PKHD1: variants seen among roughly 807,000 people sequenced by gnomAD.
PKHD1 encodes PKHD1 ciliary IPT domain containing fibrocystin/polyductin, also known as fibrocystin.
In PKHD1, 291 loss-of-function variants were observed where a neutral mutation model predicts 412.0. That is an observed-to-expected ratio of 0.71 (90% confidence interval 0.64 to 0.78). The LOEUF (loss-of-function observed/expected upper bound fraction) is 0.78. Ranked by LOEUF, PKHD1 falls within the 30% of genes least tolerant of loss-of-function variation. The probability of loss-of-function intolerance (pLI) is 0.00; values close to 1 mark genes in which losing one functional copy is unlikely to be tolerated. For missense variants in PKHD1, 4,825 were observed against 4,950.7 expected, an observed-to-expected ratio of 0.97 and a Z score of 0.76; for synonymous variants, 1,777 against 1,821.5, an observed-to-expected ratio of 0.98 and a Z score of 0.62.
intron 60 of PKHD1, among the ~76,000 whole-genome samples, chr6:51,672,732 C>T (rs1477395483): frequency 6.6e-6 from 1 of 152,104 alleles, no homozygotes; most frequent in African/African-American, 2.4e-5. Context: ...CTCATTTCAG[C>T]TGCATAAGAA....
At chr6:51,787,129 G>T (rs186468181) in intron 53 of PKHD1, among the ~76,000 whole-genome samples, 54 of 152,304 alleles carry the variant, frequency 3.5e-4, no homozygotes, top group African/African-American at 1.3e-3. Flanking sequence ...GGGAGGCCAA[G>T]GCAGGCGGAT....
At chr6:51,970,680 T>A (rs965236948) in intron 35 of PKHD1, among the ~76,000 whole-genome samples, 11 of 152,212 alleles carry the variant, frequency 7.2e-5, no homozygotes, top group African/African-American at 2.2e-4. Context: ...GCAGTCCAAT[T>A]TCCCCCGCAC....
chr6:52,027,826 C>G lies in PKHD1; in HGVS notation c.3628+3G>C. The stretch of plus-strand genomic sequence containing the variant: ...TGATAACAGTCACATAAGAGCCACT[C>G]ACCCAGCAGGGACCCACAGCAAGGC... On this transcript the variant is annotated splice_donor_region_variant and intron_variant, in intron 31 of 66. Transcript: ENST00000371117. The G allele has an allele frequency of 6.2e-7, 1 of 1,602,258 alleles. No individual in the cohort carries two copies. Among genetic ancestry groups the G allele is most frequent in the Non-Finnish European group, 8.6e-7 (1 of 1,169,162 alleles).
At chr6:51,833,059 G>C (rs1472518581) in intron 51 of PKHD1, among the ~76,000 whole-genome samples, 2 of 152,094 alleles carry the variant, frequency 1.3e-5, no homozygotes, top group African/African-American at 4.8e-5. Flanking sequence ...ATACTCAGCT[G>C]GGGGTAGAGT....
intron 57 of PKHD1, among the ~76,000 whole-genome samples, chr6:51,748,948 T>C (rs1003116593): frequency 2.0e-5 from 3 of 152,074 alleles, no homozygotes; most frequent in Non-Finnish European, 4.4e-5. Context: ...GGGATGGGCA[T>C]GGCCAAGTTT....
intron 43 of PKHD1, 40 bp from the exon 44 acceptor site, chr6:51,887,285 G>T (rs1244516659): frequency 2.6e-5 from 32 of 1,225,048 alleles, no homozygotes; most frequent in Non-Finnish European, 3.9e-5. Flanking sequence ...GTTACCCCAT[G>T]TATGATAAGG....
At position 52,054,091 on chromosome 6, in the gene PKHD1, G is replaced by C; in HGVS notation, c.1911C>G (p.Asn637Lys). The change falls in exon 20 of 67, where the codon AAC becomes AAG. Residue 637 changes from asparagine to lysine, a missense_variant. Coordinates refer to ENST00000371117, the MANE Select transcript of PKHD1 (RefSeq NM_138694.4). ...MIVSFTIGFQ[N>K]MVKNTTCDWS... ...AGTCACAGGTGGTATTCTTTACCAT[G>C]TTTTGAAAGCCGATTGTGAAGGACA... 1 of 1,613,932 alleles carries C rather than the reference G, an allele frequency of 6.2e-7. No homozygotes were observed. Among genetic ancestry groups the C allele is most frequent in the Non-Finnish European group, 8.5e-7 (1 of 1,179,822 alleles).
At chr6:51,996,300 C>T (rs1797710040) in intron 35 of PKHD1, among the ~76,000 whole-genome samples, 1 of 151,928 alleles carries the variant, frequency 6.6e-6, no homozygotes. Flanking sequence ...TGAGCCACCG[C>T]TCCCAGTTGG....
At chr6:51,993,909 G>A (rs552851545) in intron 35 of PKHD1, among the ~76,000 whole-genome samples, 8 of 152,170 alleles carry the variant, frequency 5.3e-5, no homozygotes, top group South Asian at 2.1e-4. Context: ...AAATGACCTA[G>A]CCCAAAATTT....
intron 37 of PKHD1, among the ~76,000 whole-genome samples, chr6:51,920,550 G>A (rs1250395982): frequency 6.6e-6 from 1 of 152,044 alleles, no homozygotes; most frequent in African/African-American, 2.4e-5. Flanking sequence ...GAGGATTTTT[G>A]CATCAATGTT....
At chr6:51,753,533 C>T (rs1239509547) in intron 56 of PKHD1, among the ~76,000 whole-genome samples, 180 bp from the exon 57 acceptor site, 2 of 152,162 alleles carry the variant, frequency 1.3e-5, no homozygotes, top group African/African-American at 4.8e-5. Flanking sequence ...ATAAAATAAC[C>T]CATTCACTTG....
rs780385007 is a variant in PKHD1, at chr6:52,046,009, T to C, written c.2587A>G (p.Ile863Val). Residue 863 changes from isoleucine to valine, a missense_variant, in exon 24 of 67, where the codon ATC (isoleucine) becomes GTC (valine). Physicochemically the swap from Ile to Val is conservative, Grantham distance 29. Transcript: ENST00000371117. Reference sequence around the variant, plus strand: ...AGAAGGGATACTATACATACCCTGATAAAATTGGGCAAATCCCCAATCTGA... The same window carrying C: ...AGAAGGGATACTATACATACCCTGACAAAATTGGGCAAATCCCCAATCTGA... ...STQIGDLPNF[I>V]RVSDENLTGV... 6 of 1,612,212 alleles carry C rather than the reference T, an allele frequency of 3.7e-6. No individual in the cohort carries two copies. The African/African-American group carries it at 6.7e-5, about 18-fold the overall frequency.
chr6:52,017,729 G>T, intron 33 of PKHD1, 100 bp from the exon 34 acceptor site: 1 of 849,928 alleles, frequency 1.2e-6, no homozygotes. Flanking sequence ...TTGACCAATA[G>T]GAATATGAAG....
At position 52,046,207 on chromosome 6, in the gene PKHD1, A is replaced by T. The variant is rs781357922; in HGVS notation, c.2408-19T>A. On this transcript the variant is annotated intron_variant, in intron 23 of 66. Transcript: ENST00000371117. ...GGGACATCTGTGAGAGAAGGTTTTG[A>T]TACAGAAAACACAGACACTAATTAA... 1.8e-5 allele frequency: 28 copies of T among 1,585,918 alleles called. 2 individuals carry two copies. The South Asian group carries it at 2.9e-4, about 16-fold the overall frequency.
intron 60 of PKHD1, among the ~76,000 whole-genome samples, chr6:51,735,889 G>A (rs1783782694): frequency 6.6e-6 from 1 of 152,122 alleles, no homozygotes; most frequent in Non-Finnish European, 1.5e-5. Context: ...AGCTATGATT[G>A]TACCACTGCA....
chr6:51,694,544 C>A (rs993627199), intron 60 of PKHD1, among the ~76,000 whole-genome samples: 3 of 129,206 alleles, frequency 2.3e-5, no homozygotes, highest in Non-Finnish European at 4.8e-5. Flanking sequence ...CCACCACAAC[C>A]AGCCTTTTTT....
intron 60 of PKHD1, among the ~76,000 whole-genome samples, chr6:51,712,967 T>C (rs1048458838): frequency 1.1e-4 from 17 of 152,226 alleles, no homozygotes; most frequent in Admixed American, 7.2e-4. Context: ...AAATCAGATA[T>C]AGACGGAAAT....
chr6:51,787,136 G>T (rs139303132), intron 53 of PKHD1, among the ~76,000 whole-genome samples: 4 of 152,236 alleles, frequency 2.6e-5, no homozygotes, highest in Admixed American at 2.6e-4. Context: ...CAAGGCAGGC[G>T]GATCACGAGT....
chr6:51,896,475 A>G (rs965905259), intron 43 of PKHD1, among the ~76,000 whole-genome samples: 2 of 152,116 alleles, frequency 1.3e-5, no homozygotes, highest in African/African-American at 4.8e-5. Context: ...AAGGAAAACT[A>G]ACAAACAGAA....
Sources: gnomAD v4.1 joint callset for allele counts (sites outside exome capture counted in the v4.1 genomes callset) on GRCh38, gnomAD v4.1.1 for gene constraint, MANE v1.5 for transcripts, NCBI Gene and HGNC (gene_info 2026-07-23, HGNC 2026-07-21) for gene names.